The following KIAA1217 variants were observed in gnomAD, a reference collection of about 807,000 sequenced individuals.
The protein encoded by KIAA1217 is KIAA1217.
Under a neutral mutation model 163.9 loss-of-function variants are expected in KIAA1217, and 88 were observed. The ratio of observed to expected loss-of-function variants is 0.54; its 90% CI spans 0.45 to 0.64. The LOEUF is 0.64. Ranked by LOEUF, KIAA1217 falls within the 30% of genes least tolerant of loss-of-function variation. The probability of loss-of-function intolerance (pLI) is 0.00; values close to 1 mark genes in which losing one functional copy is unlikely to be tolerated. For synonymous variants in KIAA1217, 903 were observed against 923.1 expected (o/e 0.98, Z 0.39); for missense variants, 2,372 against 2,475.0 (o/e 0.96, Z 0.88).
intron 2 of KIAA1217, among the ~76,000 whole-genome samples, chr10:24,177,271 A>C: frequency 1.1e-5 from 1 of 93,154 alleles, no homozygotes; most frequent in East Asian, 2.8e-4. Context: ...ATATATATAT[A>C]TATATATATA....
chr10:24,169,176 A>C (rs147222435), intron 2 of KIAA1217, among the ~76,000 whole-genome samples: 79 of 152,368 alleles, frequency 5.2e-4, no homozygotes, highest in African/African-American at 1.9e-3. Context: ...TTTATCTGCT[A>C]TCTTTAAATT....
chr10:23,930,813 AT>A (rs970498763), intron 1 of KIAA1217, among the ~76,000 whole-genome samples: 1 of 152,100 alleles, frequency 6.6e-6, no homozygotes, highest in Non-Finnish European at 1.5e-5. Context: ...TGAGGCCTGG[AT>A]TTCCTGCCCT....
chr10:24,256,777 A>G (rs1031464067), intron 2 of KIAA1217, among the ~76,000 whole-genome samples: 2 of 152,194 alleles, frequency 1.3e-5, no homozygotes, highest in African/African-American at 2.4e-5. Context: ...TTTGTGGCCC[A>G]GAGTGTTTCG....
rs1840425307 is a variant in KIAA1217 at position 23,870,846 on chromosome 10, G to A, written c.-320-136379G>A. Among the ~76,000 whole-genome samples, 4 of 151,996 alleles carry A rather than the reference G, an allele frequency of 2.6e-5. No homozygotes were observed. The South Asian group carries it at 8.3e-4, about 31-fold the overall frequency. ...TAAGTCAATTGAGTTTATGCCAGCT[G>A]CTTTTACATAACTGTCCTCTGAAGT... On this transcript the variant is annotated intron_variant, in intron 1 of 18. Transcript: ENST00000376462.
chr10:23,810,723 C>A (rs2130982604), intron 1 of KIAA1217, among the ~76,000 whole-genome samples: 1 of 124,942 alleles, frequency 8.0e-6, no homozygotes, highest in South Asian at 2.4e-4. Context: ...ATACCATATA[C>A]AGTATACTAT....
intron 2 of KIAA1217, among the ~76,000 whole-genome samples, chr10:24,335,341 G>A (rs549260128): frequency 1.3e-5 from 2 of 150,660 alleles, no homozygotes; most frequent in African/African-American, 2.4e-5. Context: ...ACCCAGGCTG[G>A]GAGTGCAGTG....
intron 1 of KIAA1217, among the ~76,000 whole-genome samples, chr10:23,879,119 T>C (rs979312728): frequency 2.3e-4 from 35 of 151,950 alleles, no homozygotes; most frequent in African/African-American, 8.0e-4. Flanking sequence ...TAGATGGCGT[T>C]CAAAGCTGCG....
chr10:24,157,689 G>C (rs1020522625), intron 2 of KIAA1217: 1 of 203,716 alleles, frequency 4.9e-6, no homozygotes, highest in African/African-American at 2.3e-5. Flanking sequence ...TAATTGTTTA[G>C]TAAGGGAATG....
At chr10:23,758,191 A>G (rs1229044676) in intron 1 of KIAA1217, among the ~76,000 whole-genome samples, 1 of 152,136 alleles carries the variant, frequency 6.6e-6, no homozygotes, top group Non-Finnish European at 1.5e-5. Flanking sequence ...AGTTATAGCT[A>G]TTACATTTAG....
intron 2 of KIAA1217, among the ~76,000 whole-genome samples, chr10:24,128,463 A>G (rs1005755471): frequency 6.6e-6 from 1 of 152,226 alleles, no homozygotes; most frequent in Non-Finnish European, 1.5e-5. Flanking sequence ...ATCAGTTGGA[A>G]TGAATAGGGC....
chr10:24,394,708 C>G (rs1315838082), intron 3 of KIAA1217, among the ~76,000 whole-genome samples: 1 of 152,162 alleles, frequency 6.6e-6, no homozygotes, highest in East Asian at 1.9e-4. Flanking sequence ...GCAGTCTCGC[C>G]CAGCACCTAC....
intron 2 of KIAA1217, among the ~76,000 whole-genome samples, chr10:24,040,886 T>C (rs1316603863): frequency 6.6e-6 from 1 of 152,218 alleles, no homozygotes; most frequent in Admixed American, 6.5e-5. Context: ...AGAGTTGTCA[T>C]TTCAGTTGAT....
intron 2 of KIAA1217, among the ~76,000 whole-genome samples, chr10:24,279,263 T>A (rs1023405940): frequency 4.1e-4 from 9 of 22,010 alleles, no homozygotes; most frequent in African/African-American, 8.1e-4. Context: ...GTGGTGGTGG[T>A]GTTTTTGTTT....
intron 1 of KIAA1217, among the ~76,000 whole-genome samples, chr10:23,784,501 TTTG>T (rs1835402708): frequency 1.3e-5 from 2 of 152,168 alleles, no homozygotes; most frequent in Non-Finnish European, 2.9e-5. Context: ...TGGGGTTTTT[TTTG>T]TTTGTTTGTT....
chr10:23,886,350 C>T (rs1379989083), intron 1 of KIAA1217, among the ~76,000 whole-genome samples: 1 of 151,944 alleles, frequency 6.6e-6, no homozygotes, highest in African/African-American at 2.4e-5. Flanking sequence ...AAAGGATTGT[C>T]TCCAGTGTCC....
intron 3 of KIAA1217, among the ~76,000 whole-genome samples, chr10:24,394,052 C>T (rs1327423833): frequency 6.6e-6 from 1 of 152,212 alleles, no homozygotes; most frequent in Non-Finnish European, 1.5e-5. Flanking sequence ...TTCATTTCAG[C>T]ACATCAGCTT....
chr10:24,021,317 T>C (rs1174139889), intron 2 of KIAA1217, among the ~76,000 whole-genome samples: 1 of 151,880 alleles, frequency 6.6e-6, no homozygotes, highest in Non-Finnish European at 1.5e-5. Context: ...CAATCAACGA[T>C]TGAAACTTTA....
rs66850484 is a variant in KIAA1217 at position 23,919,606 on chromosome 10, TAAAA to T, written c.-320-87597_-320-87594del. Reference sequence around the variant, plus strand: ...GGGCGACAAAGCAAGACTCCTTCTCTAAAAAAAAAAAAAAAAAAAAAAAAAGGCT... The same window carrying T: ...GGGCGACAAAGCAAGACTCCTTCTCTAAAAAAAAAAAAAAAAAAAAAGGCT... On this transcript the variant is annotated intron_variant, in intron 1 of 18. Transcript: ENST00000376462. 9.8e-3 allele frequency among the ~76,000 whole-genome samples: 748 copies of T among 76,700 alleles called. 6 individuals are homozygous for T. The highest frequency in any genetic ancestry group is 0.036 in the African/African-American group (720 of 20,234). The allele number at this position is 76,700 out of a possible 152,430, so 50.3% of individuals were successfully genotyped here. A position where few individuals can be genotyped will look rare whatever the true frequency, so the allele number is the denominator to read the frequency against.
At chr10:24,416,200 A>G (rs1237572384) in intron 3 of KIAA1217, among the ~76,000 whole-genome samples, 1 of 152,238 alleles carries the variant, frequency 6.6e-6, no homozygotes, top group Non-Finnish European at 1.5e-5. Context: ...TTTAGAGCGT[A>G]AATGGTAACA....
Sources: gnomAD v4.1 joint callset for allele counts (sites outside exome capture counted in the v4.1 genomes callset) on GRCh38, gnomAD v4.1.1 for gene constraint, MANE v1.5 for transcripts, NCBI Gene and HGNC (gene_info 2026-07-23, HGNC 2026-07-21) for gene names.